MAGI2: variants seen among roughly 807,000 people sequenced by gnomAD.
MAGI2 encodes the protein membrane-associated guanylate kinase, WW and PDZ domain-containing protein 2.
MAGI2 carries 35 observed loss-of-function variants against 133.3 expected under a neutral mutation model. The observed-to-expected ratio is 0.26, with a 90% confidence interval of 0.20 to 0.35. The LOEUF (loss-of-function observed/expected upper bound fraction) is 0.35. Ranked by LOEUF, MAGI2 falls within the 10% of genes least tolerant of loss-of-function variation. The pLI, the probability that MAGI2 is intolerant of heterozygous loss-of-function variation, is 1.00. For synonymous variants in MAGI2, 729 were observed against 710.6 expected, an observed-to-expected ratio of 1.03 and a Z score of -0.41; for missense variants, 1,636 against 1,863.4, an observed-to-expected ratio of 0.88 and a Z score of 2.25.
At chr7:78,361,255 G>A (rs1792760325) in intron 7 of MAGI2, among the ~76,000 whole-genome samples, 1 of 152,094 alleles carries the variant, frequency 6.6e-6, no homozygotes, top group African/African-American at 2.4e-5. Context: ...TTAGCCGGGT[G>A]TGGTGGCAGG....
chr7:79,452,045 G>A (rs1446123820), intron 1 of MAGI2, among the ~76,000 whole-genome samples: 1 of 152,144 alleles, frequency 6.6e-6, no homozygotes, highest in Non-Finnish European at 1.5e-5. Flanking sequence ...GCCTCCAATT[G>A]AGGTTCATTT....
intron 2 of MAGI2, among the ~76,000 whole-genome samples, chr7:78,790,767 AT>A (rs1827183601): frequency 6.6e-6 from 1 of 152,156 alleles, no homozygotes; most frequent in African/African-American, 2.4e-5. Flanking sequence ...ATTAATAACA[AT>A]ACAAGCAATA....
chr7:78,222,763 C>G (rs999274457), intron 10 of MAGI2, among the ~76,000 whole-genome samples: 2 of 152,136 alleles, frequency 1.3e-5, no homozygotes, highest in African/African-American at 2.4e-5. Context: ...TGTACTGTTG[C>G]AGGAAACTTC....
chr7:78,468,716 A>G (rs1187591421), intron 6 of MAGI2, among the ~76,000 whole-genome samples: 2 of 152,164 alleles, frequency 1.3e-5, no homozygotes, highest in Admixed American at 1.3e-4. Context: ...TTGCCAAACC[A>G]CAATTGGGAG....
In MAGI2 at chr7:78,018,186, G is replaced by C. The variant is rs1807942628; in HGVS notation, c.*1129C>G. The C allele has an allele frequency of 6.6e-6, 1 of 152,476 alleles. No individual in the cohort carries two copies. Among genetic ancestry groups the C allele is most frequent in the Non-Finnish European group, 1.5e-5 (1 of 68,014 alleles). 9.4% of individuals were successfully genotyped at this position (152,476 alleles called of 1,614,324 possible). On this transcript the variant is annotated 3_prime_UTR_variant, in exon 22 of 22. Transcript: ENST00000354212. ...ACTAATGGAAACAAAAGGACAAAGG[G>C]TAAGGAAAGAAGGATAAGCAGAAAG... is the stretch of plus-strand genomic sequence containing the variant.
chr7:78,527,580 T>C (rs1797086995), intron 3 of MAGI2, among the ~76,000 whole-genome samples: 1 of 152,232 alleles, frequency 6.6e-6, no homozygotes. Flanking sequence ...TGCACCATGT[T>C]CTTTATGCTT....
intron 2 of MAGI2, among the ~76,000 whole-genome samples, chr7:78,886,795 A>T (rs906195028): frequency 1.3e-5 from 2 of 152,104 alleles, no homozygotes; most frequent in African/African-American, 2.4e-5. Flanking sequence ...GCTCTCAATT[A>T]TATGTTTCTA....
intron 3 of MAGI2, among the ~76,000 whole-genome samples, chr7:78,567,204 C>T (rs1283989870): frequency 6.6e-6 from 1 of 152,114 alleles, no homozygotes; most frequent in African/African-American, 2.4e-5. Flanking sequence ...AATTGCTGTA[C>T]TTTTCTTCTA....
intron 1 of MAGI2, among the ~76,000 whole-genome samples, chr7:79,222,265 A>G (rs1054503837): frequency 1.3e-5 from 2 of 152,090 alleles, no homozygotes; most frequent in African/African-American, 2.4e-5. Context: ...ATATTTTGGT[A>G]GCCAAAGTGT....
intron 2 of MAGI2, among the ~76,000 whole-genome samples, chr7:78,735,327 G>C (rs904573416): frequency 3.9e-5 from 6 of 152,108 alleles, no homozygotes; most frequent in African/African-American, 9.7e-5. Flanking sequence ...TCATAGAAAT[G>C]GGTGTCTACA....
At chr7:79,234,948 A>G (rs1014820401) in intron 1 of MAGI2, among the ~76,000 whole-genome samples, 11 of 151,682 alleles carry the variant, frequency 7.3e-5, no homozygotes, top group African/African-American at 2.4e-4. Flanking sequence ...GTCTTTGATG[A>G]TGGTGATGTA....
At chr7:78,461,384 G>A (rs1048287103) in intron 6 of MAGI2, among the ~76,000 whole-genome samples, 3 of 119,124 alleles carry the variant, frequency 2.5e-5, no homozygotes, top group South Asian at 5.6e-4. Context: ...TCCTGGACAC[G>A]TGTGTGTGCG....
intron 2 of MAGI2, among the ~76,000 whole-genome samples, chr7:78,929,456 G>A (rs1799947852): frequency 6.6e-6 from 1 of 152,042 alleles, no homozygotes; most frequent in African/African-American, 2.4e-5. Context: ...CTGGAGATCA[G>A]AAGTAAAAAT....
chr7:79,265,985 A>G (rs1235842691), intron 1 of MAGI2, among the ~76,000 whole-genome samples: 1 of 152,154 alleles, frequency 6.6e-6, no homozygotes, highest in Admixed American at 6.6e-5. Context: ...TACAGAGAGA[A>G]TTTAACAAAG....
chr7:78,828,799 AT>A (rs1790886929), intron 2 of MAGI2, among the ~76,000 whole-genome samples: 1 of 152,198 alleles, frequency 6.6e-6, no homozygotes, highest in Admixed American at 6.5e-5. Flanking sequence ...TTATTCTAAA[AT>A]AAAAGATTTA....
At chr7:79,122,490 C>A (rs997384495) in intron 1 of MAGI2, among the ~76,000 whole-genome samples, 34 of 152,132 alleles carry the variant, frequency 2.2e-4, no homozygotes, top group African/African-American at 8.0e-4. Flanking sequence ...TGAGTCATTA[C>A]CCATTACGCT....
chr7:79,384,306 T>A (rs1018972099), intron 1 of MAGI2, among the ~76,000 whole-genome samples: 2 of 151,520 alleles, frequency 1.3e-5, no homozygotes, highest in African/African-American at 4.8e-5. Flanking sequence ...AAAGATGGAT[T>A]GAAGTGACCA....
intron 21 of MAGI2, among the ~76,000 whole-genome samples, chr7:78,072,113 G>A (rs979015794): frequency 2.0e-5 from 3 of 152,066 alleles, no homozygotes; most frequent in Non-Finnish European, 2.9e-5. Context: ...ATGAAGTTTT[G>A]GCTCATTAAA....
At chr7:78,538,160 T>C (rs972905415) in intron 3 of MAGI2, among the ~76,000 whole-genome samples, 2 of 152,210 alleles carry the variant, frequency 1.3e-5, no homozygotes, top group South Asian at 2.1e-4. Flanking sequence ...TGTTTCTGGA[T>C]TCTCTATGCT....
Sources: gnomAD v4.1 joint callset for allele counts (sites outside exome capture counted in the v4.1 genomes callset) on GRCh38, gnomAD v4.1.1 for gene constraint, MANE v1.5 for transcripts, NCBI Gene and HGNC (gene_info 2026-07-23, HGNC 2026-07-21) for gene names.